EFCC1: variants seen among roughly 807,000 people sequenced by gnomAD.
EFCC1 encodes the protein EF-hand and coiled-coil domain containing 1.
Under a neutral mutation model 52.1 loss-of-function variants are expected in EFCC1, and 50 were observed. The ratio of observed to expected loss-of-function variants is 0.96; its 90% CI spans 0.76 to 1.21. EFCC1 has a LOEUF of 1.21. Ranked by LOEUF, EFCC1 falls within the 50% of genes most tolerant of loss-of-function variation. The pLI is 0.00. For synonymous variants in EFCC1, 399 were observed against 396.5 expected, an observed-to-expected ratio of 1.01 and a Z score of -0.08; for missense variants, 837 against 867.3, an observed-to-expected ratio of 0.97 and a Z score of 0.44.
rs900249446 is a variant in EFCC1, at chr3:129,002,349, G to C, written c.696+25G>C. The C allele has an allele frequency of 1.5e-5, 23 of 1,508,194 alleles. No homozygotes were observed. In the African/African-American group the frequency reaches 3.3e-4, roughly 21 times the overall value. 93.4% of individuals were successfully genotyped at this position (1,508,194 alleles called of 1,614,324 possible). A position where few individuals can be genotyped will look rare whatever the true frequency, so the allele number is the denominator to read the frequency against. ...GGTGCGCGCCGGCCACGAAGGGAGG[G>C]TGGTAACGCCCGGGAGAGGGCTCGA... On this transcript the variant is annotated intron_variant, in intron 1 of 7. Transcript: ENST00000683648.
intron 2 of EFCC1, among the ~76,000 whole-genome samples, chr3:129,028,853 G>A (rs1218100924): frequency 6.6e-6 from 1 of 152,114 alleles, no homozygotes; most frequent in Non-Finnish European, 1.5e-5. Context: ...ATGTTGGCCA[G>A]GCTGGTCTCA....
At chr3:129,002,615 C>T in intron 1 of EFCC1, 1 of 478,376 alleles carries the variant, frequency 2.1e-6, no homozygotes, top group South Asian at 4.3e-5. Context: ...CGTCTTGCCC[C>T]TTTAACCTAG....
chr3:129,028,696 G>A (rs1199225392), intron 2 of EFCC1, among the ~76,000 whole-genome samples: 1 of 151,674 alleles, frequency 6.6e-6, no homozygotes, highest in East Asian at 1.9e-4. Flanking sequence ...AGGCTGGAGT[G>A]CAATGGCATG....
At chr3:129,037,489 A>G (rs918891581) in intron 6 of EFCC1, among the ~76,000 whole-genome samples, 2 of 152,244 alleles carry the variant, frequency 1.3e-5, no homozygotes, top group African/African-American at 4.8e-5. Context: ...AAGAAATGCA[A>G]CATGACCAAG....
In EFCC1 at chr3:129,010,268, C is replaced by T. The variant is rs528551431; in HGVS notation, c.980+6191C>T. Among the ~76,000 whole-genome samples, 123 of 152,372 alleles carry T rather than the reference C, an allele frequency of 8.1e-4. No individual in the cohort carries two copies. The highest frequency in any genetic ancestry group is 1.5e-3 in the Non-Finnish European group (100 of 68,034). ...AACCGCCCATATCTCAACCAGTTGC[C>T]TGGCCTGGCCCCCTACCCTGCTCTG... is the stretch of plus-strand genomic sequence containing the variant. On this transcript the variant is annotated intron_variant, in intron 2 of 7. Coordinates refer to ENST00000683648, the MANE Select transcript of EFCC1 (RefSeq NM_001377500.1). The surrounding 1 kb of genome is among the most constrained non-coding windows in gnomAD (Gnocchi z 4.3).
Position 129,014,230 on chromosome 3 carries a change from G to A in EFCC1, c.980+10153G>A, listed in dbSNP as rs1023658117. 5.9e-5 allele frequency among the ~76,000 whole-genome samples: 9 copies of A among 152,246 alleles called. No individual in the cohort carries two copies. The highest frequency in any genetic ancestry group is 3.9e-4 in the Admixed American group (6 of 15,280). ...GCCCTCGTGGACCAACTCTCAGTGC[G>A]TTACGCTGTTGACCACCAGTAACTA... On this transcript the variant is annotated intron_variant, in intron 2 of 7. Coordinates refer to ENST00000683648, the MANE Select transcript of EFCC1 (RefSeq NM_001377500.1). The surrounding 1 kb of genome is among the most constrained non-coding windows in gnomAD (Gnocchi z 4.3).
rs1265370685 is a variant in EFCC1, at chr3:129,002,191, C to T, written c.563C>T (p.Ala188Val). The change falls in exon 1 of 8, where the codon GCG (alanine) becomes GTG (valine). Residue 188 changes from alanine (A) to valine (V), a missense_variant. Physicochemically the swap from Ala to Val is moderately conservative, Grantham distance 64. Transcript: ENST00000683648. ...CGCCGCCGCCGCCGCCCGCCCTGCGCGCCTGGCCCCGACAGCGGTCCTGAC... is the reference window on the plus strand; with the variant it reads ...CGCCGCCGCCGCCGCCCGCCCTGCGTGCCTGGCCCCGACAGCGGTCCTGAC... ...RPRRRRRPPC[A>V]PGPDSGPDCE... The T allele has an allele frequency of 4.0e-6, 6 of 1,504,970 alleles. No homozygotes were observed. Among genetic ancestry groups the T allele is most frequent in the Admixed American group, 2.2e-5 (1 of 44,870 alleles). 93.2% of individuals were successfully genotyped at this position (1,504,970 alleles called of 1,614,324 possible).
chr3:129,033,932 A>T (rs1946321717), intron 4 of EFCC1, among the ~76,000 whole-genome samples: 1 of 152,226 alleles, frequency 6.6e-6, no homozygotes, highest in South Asian at 2.1e-4. Flanking sequence ...GAGCAGTGTG[A>T]GTGCAGGTGG....
At chr3:129,018,719 C>T (rs1011716072) in intron 2 of EFCC1, among the ~76,000 whole-genome samples, 10 of 152,222 alleles carry the variant, frequency 6.6e-5, no homozygotes, top group African/African-American at 1.2e-4. Flanking sequence ...TGTTCCCACA[C>T]GCCTTCCTGC....
intron 1 of EFCC1, chr3:129,003,190 G>T: frequency 4.1e-6 from 4 of 983,120 alleles, no homozygotes; most frequent in Non-Finnish European, 4.8e-6. Context: ...TGGAAGCCAG[G>T]GTGGAGGCGG....
In EFCC1 at chr3:129,014,476, G is replaced by T. The variant is rs547631042; in HGVS notation, c.980+10399G>T. On this transcript the variant is annotated intron_variant, in intron 2 of 7. Coordinates refer to ENST00000683648, the MANE Select transcript of EFCC1 (RefSeq NM_001377500.1). This position sits in a 1 kb window ranked among gnomAD's most constrained non-coding sequence, Gnocchi z 4.3. ...TCCTCGCGTGGTCTTCCTTCTGTGT[G>T]TATTTCTGTCCTAATCCCCTCTTCT... Among the ~76,000 whole-genome samples the T allele has an allele frequency of 2.6e-5, 4 of 152,368 alleles. No homozygotes were observed. The East Asian group carries it at 7.7e-4, about 29-fold the overall frequency.
At chr3:129,003,203 A>T (rs1944882184) in intron 1 of EFCC1, 33 of 985,204 alleles carry the variant, frequency 3.3e-5, no homozygotes, top group Non-Finnish European at 4.0e-5. Flanking sequence ...GGAGGCGGGA[A>T]ACTACTCCTC....
At chr3:129,031,563 G>C (rs1946273612) in intron 3 of EFCC1, among the ~76,000 whole-genome samples, 1 of 152,184 alleles carries the variant, frequency 6.6e-6, no homozygotes, top group Non-Finnish European at 1.5e-5. Context: ...TATCAGTTAG[G>C]ACATCGTTTG....
In EFCC1 at chr3:129,017,408, G is replaced by A. The variant is rs1019357450; in HGVS notation, c.981-13295G>A. ...CTGTGACCTCATAATTCCGTAGGCCGGAAGTCCAGGCGGGCGTGGCGGGCT... is the reference window on the plus strand; with the variant it reads ...CTGTGACCTCATAATTCCGTAGGCCAGAAGTCCAGGCGGGCGTGGCGGGCT... On this transcript the variant is annotated intron_variant, in intron 2 of 7. Transcript: ENST00000683648. 2.0e-4 allele frequency among the ~76,000 whole-genome samples: 30 copies of A among 152,328 alleles called. 1 individual carries two copies. Among genetic ancestry groups the A allele is most frequent in the East Asian group, 1.9e-4 (1 of 5,192 alleles).
rs536035629 is a variant in EFCC1, at chr3:129,030,899, C to G, written c.1138+39C>G. 43 of 1,529,744 alleles carry G rather than the reference C, an allele frequency of 2.8e-5. No individual in the cohort carries two copies. The African/African-American group carries it at 5.4e-4, about 19-fold the overall frequency. The allele number at this position is 1,529,744 out of a possible 1,614,324, so 94.8% of individuals were successfully genotyped here. A position where few individuals can be genotyped will look rare whatever the true frequency, so the allele number is the denominator to read the frequency against. On this transcript the variant is annotated intron_variant, in intron 3 of 7. Transcript: ENST00000683648. ...GCGCCCAGTCTTCCTGCCAGGCTCACAGTCCCTCCGGCTGTGCTCAGCCCT... is the reference window on the plus strand; with the variant it reads ...GCGCCCAGTCTTCCTGCCAGGCTCAGAGTCCCTCCGGCTGTGCTCAGCCCT...
At chr3:129,028,081 CT>C (rs11333801) in intron 2 of EFCC1, among the ~76,000 whole-genome samples, 5,897 of 143,942 alleles carry the variant, frequency 0.041, 408 homozygotes, top group East Asian at 0.36. Context: ...CCATTTCATT[CT>C]TTTTTTTTTT....
In EFCC1 at chr3:129,014,896, C is replaced by T. The variant is rs1401789802; in HGVS notation, c.980+10819C>T. On this transcript the variant is annotated intron_variant, in intron 2 of 7. Coordinates refer to ENST00000683648, the MANE Select transcript of EFCC1 (RefSeq NM_001377500.1). The surrounding 1 kb of genome is among the most constrained non-coding windows in gnomAD (Gnocchi z 4.3). ...GGAGCAGGTGAAGAGCCCTCCTCAC[C>T]TGTACACACGGAGTCCTGCTAAGTC... Among the ~76,000 whole-genome samples the T allele has an allele frequency of 6.6e-6, 1 of 152,042 alleles. No homozygotes were observed. The highest frequency in any genetic ancestry group is 6.5e-5 in the Admixed American group (1 of 15,278).
chr3:129,035,149 C>T (rs1348217825), intron 5 of EFCC1, among the ~76,000 whole-genome samples: 1 of 152,184 alleles, frequency 6.6e-6, no homozygotes, highest in Non-Finnish European at 1.5e-5. Flanking sequence ...TATATTTATA[C>T]ATCTGAAATT....
At chr3:129,022,943 A>T (rs1825243) in intron 2 of EFCC1, among the ~76,000 whole-genome samples, 4 of 152,182 alleles carry the variant, frequency 2.6e-5, no homozygotes, top group Non-Finnish European at 4.4e-5. Context: ...GGAGCTGAGA[A>T]GTCTCCAACT....
Sources: allele counts gnomAD v4.1 joint callset (sites outside exome capture counted in the v4.1 genomes callset), GRCh38; gene constraint gnomAD v4.1.1; non-coding constraint Gnocchi (gnomAD v3.1); transcripts MANE v1.5; gene names NCBI Gene and HGNC (gene_info 2026-07-23, HGNC 2026-07-21).